TBC1D9: variants seen among roughly 807,000 people sequenced by gnomAD.
TBC1D9 encodes TBC1 domain family member 9A.
In TBC1D9, 63 loss-of-function variants were observed where a neutral mutation model predicts 132.0. The observed-to-expected ratio is 0.48, with a 90% CI of 0.39 to 0.59. TBC1D9 has a LOEUF of 0.59. Ranked by LOEUF, TBC1D9 falls within the 20% of genes least tolerant of loss-of-function variation. The probability of loss-of-function intolerance (pLI) is 0.00; values close to 1 mark genes in which losing one functional copy is unlikely to be tolerated. For synonymous variants in TBC1D9, 610 were observed against 609.9 expected (o/e 1.00, Z 0.00); for missense variants, 1,261 against 1,592.7 (o/e 0.79, Z 3.54).
intron 13 of TBC1D9, chr4:140,643,618 C>T (rs2110982252): frequency 1.0e-6 from 1 of 963,534 alleles, no homozygotes; most frequent in South Asian, 1.6e-5. Flanking sequence ...GCTGCCTCTG[C>T]CGCAGGAACC....
chr4:140,627,711 C>CCACCTTCCCT (rs1230995440), intron 17 of TBC1D9, among the ~76,000 whole-genome samples, 184 bp from the exon 18 acceptor site: 6 of 152,148 alleles, frequency 3.9e-5, no homozygotes, highest in Non-Finnish European at 8.8e-5. Context: ...CCATCTAACT[C>CCACCTTCCCT]CACCTTCCCT....
At chr4:140,635,154 A>G (rs1027983248) in intron 15 of TBC1D9, among the ~76,000 whole-genome samples, 1 of 152,132 alleles carries the variant, frequency 6.6e-6, no homozygotes, top group Non-Finnish European at 1.5e-5. Flanking sequence ...ATATTTCACT[A>G]TAAGCACGAA....
At chr4:140,638,989 T>C in intron 15 of TBC1D9, 97 bp downstream of exon 15, 1 of 833,194 alleles carries the variant, frequency 1.2e-6, no homozygotes, top group East Asian at 2.7e-5. Flanking sequence ...CTATTTATAT[T>C]ATCCCTTAAT....
At position 140,659,805 on chromosome 4, in the gene TBC1D9, A is replaced by T. The variant is rs529697429; in HGVS notation, c.1804-100T>A. 114 of 778,464 alleles carry T rather than the reference A, an allele frequency of 1.5e-4. 2 individuals are homozygous for T. In the South Asian group the frequency reaches 2.1e-3, roughly 15 times the overall value. 48.2% of individuals were successfully genotyped at this position (778,464 alleles called of 1,614,324 possible). ...CAGTTATTCTCACAAGGGCTGGCAA[A>T]CCTTTTCTGTGAAAAGCGAGATAAA... On this transcript the variant is annotated intron_variant, in intron 10 of 20. Transcript: ENST00000442267.
intron 16 of TBC1D9, among the ~76,000 whole-genome samples, chr4:140,631,629 C>G (rs1301190252): frequency 2.0e-5 from 3 of 147,528 alleles, no homozygotes; most frequent in Non-Finnish European, 4.5e-5. Context: ...TGGAGTCTTA[C>G]TCTGTCGTCC....
chr4:140,717,320 A>C (rs1267366347), intron 1 of TBC1D9, among the ~76,000 whole-genome samples: 1 of 152,224 alleles, frequency 6.6e-6, no homozygotes, highest in African/African-American at 2.4e-5. Flanking sequence ...GAAAAGCCCA[A>C]GTTGTTGTTT....
chr4:140,725,868 A>G (rs1490459113), intron 1 of TBC1D9, among the ~76,000 whole-genome samples: 3 of 152,166 alleles, frequency 2.0e-5, no homozygotes, highest in African/African-American at 7.2e-5. Context: ...AAAAATAAAT[A>G]CAATGGTGAC....
At chr4:140,654,718 C>T (rs148318035) in intron 13 of TBC1D9, among the ~76,000 whole-genome samples, 290 of 152,200 alleles carry the variant, frequency 1.9e-3, no homozygotes, top group African/African-American at 5.0e-3. Flanking sequence ...TAAGGTGAAA[C>T]ATTCATTCTT....
chr4:140,645,625 T>C, intron 13 of TBC1D9: 1 of 241,172 alleles, frequency 4.1e-6, no homozygotes, highest in Non-Finnish European at 8.0e-6. Flanking sequence ...CACTCTTCCT[T>C]TGTTTAAAAT....
chr4:140,685,088 T>G (rs1737759819), intron 3 of TBC1D9, among the ~76,000 whole-genome samples: 1 of 152,186 alleles, frequency 6.6e-6, no homozygotes, highest in Non-Finnish European at 1.5e-5. Flanking sequence ...GGACAAGCAT[T>G]ATTTTATAAA....
chr4:140,695,199 G>C (rs1737934749), intron 2 of TBC1D9, among the ~76,000 whole-genome samples: 1 of 152,120 alleles, frequency 6.6e-6, no homozygotes, highest in Non-Finnish European at 1.5e-5. Context: ...GGATGGGAGT[G>C]GGGAGACCTG....
intron 1 of TBC1D9, among the ~76,000 whole-genome samples, chr4:140,742,231 A>C (rs1205047982): frequency 6.6e-6 from 1 of 152,134 alleles, no homozygotes; most frequent in Non-Finnish European, 1.5e-5. Flanking sequence ...TGGCAATTGC[A>C]GAACACCTTA....
intron 2 of TBC1D9, among the ~76,000 whole-genome samples, chr4:140,689,401 C>A (rs891252556): frequency 1.3e-5 from 2 of 148,958 alleles, no homozygotes; most frequent in Admixed American, 1.3e-4. Context: ...TCCTTCCCCG[C>A]TTCCCTTCCC....
At position 140,660,822 on chromosome 4, in the gene TBC1D9, C is replaced by T. The variant is rs148785883; in HGVS notation, c.1803+1071G>A. Among the ~76,000 whole-genome samples the T allele has an allele frequency of 3.2e-3, 483 of 152,266 alleles. 3 individuals carry two copies. The highest frequency in any genetic ancestry group is 0.011 in the African/African-American group (447 of 41,534). On this transcript the variant is annotated intron_variant, in intron 10 of 20. Transcript: ENST00000442267. ...AGAGGGAGACTAACGTGTGCATGTACGTGCACTTGTGTGTTGAAGTAGGAG... is the reference window on the plus strand; with the variant it reads ...AGAGGGAGACTAACGTGTGCATGTATGTGCACTTGTGTGTTGAAGTAGGAG...
intron 1 of TBC1D9, among the ~76,000 whole-genome samples, chr4:140,755,412 A>G (rs1738992642): frequency 6.6e-6 from 1 of 152,216 alleles, no homozygotes; most frequent in Admixed American, 6.5e-5. Context: ...CTGTTTCCGT[A>G]TTCATTCTCT....
chr4:140,756,126 T>G lies in TBC1D9; in HGVS notation c.-81A>C. ...CACCACCGCGACAGGCGCGCACTCC[T>G]GGGCACACGCGCGCCCGCCCGCCCG... On this transcript the variant is annotated 5_prime_UTR_variant, in exon 1 of 21. Transcript: ENST00000442267. This position sits in a 1 kb window ranked among gnomAD's most constrained non-coding sequence, Gnocchi z 5.6. The G allele has an allele frequency of 8.3e-6, 10 of 1,201,612 alleles. No homozygotes were observed. Among genetic ancestry groups the G allele is most frequent in the Non-Finnish European group, 9.8e-6 (9 of 917,476 alleles). The allele number at this position is 1,201,612 out of a possible 1,614,324, so 74.4% of individuals were successfully genotyped here. A position where few individuals can be genotyped will look rare whatever the true frequency, so the allele number is the denominator to read the frequency against.
In TBC1D9 at chr4:140,662,125, G is replaced by C. The variant is rs376540935; in HGVS notation, c.1589-18C>G. On this transcript the variant is annotated intron_variant, in intron 9 of 20. Coordinates refer to ENST00000442267, the MANE Select transcript of TBC1D9 (RefSeq NM_015130.3). ...GATGGCACCTGAGATATATCCAACA[G>C]ATACAGTATCAAAAACGTGAGAGCT... The C allele has an allele frequency of 2.9e-5, 46 of 1,598,368 alleles. No individual in the cohort carries two copies. In the African/African-American group the frequency reaches 5.9e-4, roughly 20 times the overall value.
At chr4:140,702,503 C>T (rs949098002) in intron 1 of TBC1D9, among the ~76,000 whole-genome samples, 4 of 152,170 alleles carry the variant, frequency 2.6e-5, no homozygotes, top group South Asian at 2.1e-4. Flanking sequence ...CCAGATGACC[C>T]GGCTGAGGCA....
intron 13 of TBC1D9, chr4:140,642,672 T>C: frequency 1.5e-6 from 1 of 677,966 alleles, no homozygotes; most frequent in Non-Finnish European, 2.6e-6. Context: ...TTCCTCTCCC[T>C]GGCTTTCCCT....
Sources: allele counts gnomAD v4.1 joint callset (sites outside exome capture counted in the v4.1 genomes callset), GRCh38; gene constraint gnomAD v4.1.1; non-coding constraint Gnocchi (gnomAD v3.1); transcripts MANE v1.5; gene names NCBI Gene and HGNC (gene_info 2026-07-23, HGNC 2026-07-21).